THSD7B: variants seen among roughly 807,000 people sequenced by gnomAD.
THSD7B encodes the protein thrombospondin type 1 domain containing 7B.
THSD7B carries 138 observed loss-of-function variants against 213.6 expected under a neutral mutation model. The ratio of observed to expected loss-of-function variants is 0.65; its 90% CI spans 0.56 to 0.74. The LOEUF (loss-of-function observed/expected upper bound fraction) is 0.74. Ranked by LOEUF, THSD7B falls within the 30% of genes least tolerant of loss-of-function variation. The pLI is 0.00. For missense variants in THSD7B, 1,931 were observed against 1,991.5 expected (o/e 0.97, Z 0.58); for synonymous variants, 742 against 687.0 (o/e 1.08, Z -1.25).
At chr2:137,226,421 T>C (rs1227519108) in intron 7 of THSD7B, among the ~76,000 whole-genome samples, 1 of 151,632 alleles carries the variant, frequency 6.6e-6, no homozygotes, top group Non-Finnish European at 1.5e-5. Flanking sequence ...TACTCTAGGG[T>C]CAGAAAATAA....
chr2:137,069,963 G>C (rs887516339), intron 3 of THSD7B, among the ~76,000 whole-genome samples: 11 of 151,136 alleles, frequency 7.3e-5, no homozygotes, highest in African/African-American at 2.4e-4. Flanking sequence ...TGGGAATGGA[G>C]GATTATTTTC....
intron 15 of THSD7B, among the ~76,000 whole-genome samples, chr2:137,490,081 C>A (rs1319594210): frequency 6.6e-6 from 1 of 152,198 alleles, no homozygotes; most frequent in Non-Finnish European, 1.5e-5. Flanking sequence ...AATCACCAAG[C>A]TAGCAGGGAT....
intron 17 of THSD7B, among the ~76,000 whole-genome samples, chr2:137,614,112 G>A (rs1682338250): frequency 1.3e-5 from 2 of 152,084 alleles, no homozygotes; most frequent in Admixed American, 6.6e-5. Context: ...GGGGAGTAAG[G>A]TGCAGTGTTG....
At chr2:137,061,912 G>T (rs1687281254) in intron 3 of THSD7B, among the ~76,000 whole-genome samples, 1 of 151,818 alleles carries the variant, frequency 6.6e-6, no homozygotes, top group African/African-American at 2.4e-5. Flanking sequence ...TTTTCTGAAA[G>T]AAATTGTTGA....
At chr2:137,283,107 G>A (rs1046367120) in intron 12 of THSD7B, among the ~76,000 whole-genome samples, 1 of 152,038 alleles carries the variant, frequency 6.6e-6, no homozygotes, top group African/African-American at 2.4e-5. Context: ...CATTCTCCTT[G>A]AAGAGGTCCT....
intron 27 of THSD7B, among the ~76,000 whole-genome samples, chr2:137,671,407 A>G (rs1329992222): frequency 6.6e-6 from 1 of 152,180 alleles, no homozygotes; most frequent in Non-Finnish European, 1.5e-5. Flanking sequence ...TCATACTACT[A>G]TGAAGAAGAA....
chr2:137,603,019 T>G (rs942429264), intron 17 of THSD7B, among the ~76,000 whole-genome samples: 1 of 152,160 alleles, frequency 6.6e-6, no homozygotes, highest in African/African-American at 2.4e-5. Context: ...TTGGTGGTGC[T>G]TGATTGAGTT....
At chr2:136,849,001 A>G (rs1683053817) in intron 1 of THSD7B, among the ~76,000 whole-genome samples, 1 of 152,082 alleles carries the variant, frequency 6.6e-6, no homozygotes, top group African/African-American at 2.4e-5. Flanking sequence ...TGCAAGTTAA[A>G]TTTTTTAATT....
intron 2 of THSD7B, among the ~76,000 whole-genome samples, chr2:136,885,378 G>A (rs1453252566): frequency 1.3e-5 from 2 of 151,902 alleles, no homozygotes; most frequent in Non-Finnish European, 2.9e-5. Context: ...ATGTTTTTTA[G>A]GATTTCCATA....
intron 12 of THSD7B, among the ~76,000 whole-genome samples, chr2:137,313,429 A>G: frequency 7.7e-6 from 1 of 129,712 alleles, no homozygotes; most frequent in Non-Finnish European, 1.8e-5. Flanking sequence ...TTTCCTGAAT[A>G]CAGCACACTG....
At chr2:137,606,586 C>G (rs548815721) in intron 17 of THSD7B, among the ~76,000 whole-genome samples, 9 of 152,170 alleles carry the variant, frequency 5.9e-5, no homozygotes, top group Non-Finnish European at 1.3e-4. Flanking sequence ...TTTCTGGGGT[C>G]TAGAGAAAGA....
chr2:137,439,592 A>G (rs1171958941), intron 14 of THSD7B, among the ~76,000 whole-genome samples: 1 of 152,120 alleles, frequency 6.6e-6, no homozygotes, highest in East Asian at 1.9e-4. Flanking sequence ...GTAATGGAAC[A>G]AATTCTCCAT....
At chr2:136,848,094 A>G (rs188735632) in intron 1 of THSD7B, among the ~76,000 whole-genome samples, 134 of 152,330 alleles carry the variant, frequency 8.8e-4, no homozygotes, top group African/African-American at 3.1e-3. Flanking sequence ...AGCATCAAAG[A>G]TGTAAGAGAT....
chr2:136,863,262 G>T (rs113139220), intron 1 of THSD7B, among the ~76,000 whole-genome samples: 14 of 152,200 alleles, frequency 9.2e-5, no homozygotes, highest in Non-Finnish European at 1.3e-4. Context: ...TGTCCCCCTT[G>T]TTTTCACCGG....
At chr2:137,123,930 T>C (rs767109965) in intron 5 of THSD7B, among the ~76,000 whole-genome samples, 1 of 152,166 alleles carries the variant, frequency 6.6e-6, no homozygotes, top group Non-Finnish European at 1.5e-5. Context: ...GTTAGCACAT[T>C]GCCTGGCAAA....
chr2:137,058,752 A>C (rs1419551932), intron 3 of THSD7B, among the ~76,000 whole-genome samples: 1 of 152,152 alleles, frequency 6.6e-6, no homozygotes, highest in Non-Finnish European at 1.5e-5. Flanking sequence ...GTGATGATGC[A>C]GTTCTCATAG....
At chr2:137,045,907 T>C in intron 2 of THSD7B, among the ~76,000 whole-genome samples, 1 of 152,126 alleles carries the variant, frequency 6.6e-6, no homozygotes, top group East Asian at 1.9e-4. Flanking sequence ...AAAAACAGTA[T>C]TTAAAAATTC....
chr2:137,257,067 C>T (rs375502239), intron 10 of THSD7B, among the ~76,000 whole-genome samples: 27 of 152,196 alleles, frequency 1.8e-4, no homozygotes, highest in African/African-American at 5.1e-4. Flanking sequence ...TATAAAGCTA[C>T]GGGTCCCACT....
At chr2:137,274,360 A>T (rs1211201711) in intron 11 of THSD7B, among the ~76,000 whole-genome samples, 1 of 152,102 alleles carries the variant, frequency 6.6e-6, no homozygotes, top group African/African-American at 2.4e-5. Flanking sequence ...TTACCAAATT[A>T]AAGCAGAATC....
Sources: gnomAD v4.1 joint callset for allele counts (sites outside exome capture counted in the v4.1 genomes callset) on GRCh38, gnomAD v4.1.1 for gene constraint, MANE v1.5 for transcripts, NCBI Gene and HGNC (gene_info 2026-07-23, HGNC 2026-07-21) for gene names.